Variants in TRPM1 observed in about 807,000 individuals in gnomAD.
The protein encoded by TRPM1 is transient receptor potential cation channel subfamily M member 1.
TRPM1 carries 113 observed loss-of-function variants against 149.4 expected under a neutral mutation model. The ratio of observed to expected loss-of-function variants is 0.76; its 90% CI spans 0.65 to 0.88. The LOEUF is 0.88. TRPM1 is among the 40% of genes least tolerant of loss of function. The pLI is 0.00. For missense variants in TRPM1, 1,976 were observed against 2,038.7 expected (o/e 0.97, Z 0.59); for synonymous variants, 741 against 759.5 (o/e 0.98, Z 0.40).
intron 1 of TRPM1, among the ~76,000 whole-genome samples, chr15:31,084,460 A>G (rs2034942869): frequency 6.6e-6 from 1 of 152,172 alleles, no homozygotes; most frequent in Admixed American, 6.5e-5. Context: ...GAATCATTCA[A>G]CGTGTGGCCT....
At chr15:31,046,955 C>T (rs930072077) in intron 15 of TRPM1, among the ~76,000 whole-genome samples, 156 bp downstream of exon 15, 3 of 152,186 alleles carry the variant, frequency 2.0e-5, no homozygotes, top group Non-Finnish European at 2.9e-5. Context: ...TGGAGAATGC[C>T]GTGGCTCTGG....
chr15:31,113,705 C>T (rs2035750386), intron 1 of TRPM1, among the ~76,000 whole-genome samples: 1 of 152,190 alleles, frequency 6.6e-6, no homozygotes, highest in Non-Finnish European at 1.5e-5. Context: ...ATAGTTAGTT[C>T]ATTCCGGTGG....
chr15:31,038,149 A>G lies in TRPM1; in HGVS notation c.2334T>C (p.Leu778=), dbSNP rs2033486118. The G allele has an allele frequency of 1.2e-6, 2 of 1,614,026 alleles. No individual in the cohort carries two copies. The highest frequency in any genetic ancestry group is 1.7e-6 in the Non-Finnish European group (2 of 1,180,002). ...NPGLKVIMGI[L]LPPTILFLEF... is the part of the protein sequence containing the mutation. ...CCAAAAACAAGATGGTGGGGGGTAG[A>G]AGAATCCCCATGATAACCTACGGAA... Residue 778 remains leucine (L), a synonymous_variant, in exon 19 of 28, where the codon CTT becomes CTC. Transcript: ENST00000256552.
At chr15:31,053,047 T>C (rs1352225266) in intron 11 of TRPM1, among the ~76,000 whole-genome samples, 2 of 152,174 alleles carry the variant, frequency 1.3e-5, no homozygotes, top group Non-Finnish European at 2.9e-5. Flanking sequence ...CCAGAATATA[T>C]AGAGAACTCC....
At chr15:31,113,439 T>C (rs917065022) in intron 1 of TRPM1, among the ~76,000 whole-genome samples, 1 of 151,914 alleles carries the variant, frequency 6.6e-6, no homozygotes, top group Non-Finnish European at 1.5e-5. Context: ...ACAGTTTTTT[T>C]TTTTTCAAAA....
Position 31,037,862 on chromosome 15 carries a change from A to T in TRPM1, c.2440-20T>A. 1 of 1,614,120 alleles carries T rather than the reference A, an allele frequency of 6.2e-7. No homozygotes were observed. ...TGCATCCTGGAAAACAGAGCACAGC[A>T]CATGACAGGCAGGTGGCTAAATGGG... On this transcript the variant is annotated intron_variant, in intron 19 of 27. Transcript: ENST00000256552.
chr15:31,106,141 CTTT>C (rs60137498), upstream of TRPM1, among the ~76,000 whole-genome samples: 73 of 139,870 alleles, frequency 5.2e-4, no homozygotes, highest in African/African-American at 1.5e-3. Context: ...TTTTTCTTTT[CTTT>C]TTTTTTTTTT....
At chr15:31,031,198 T>C in intron 22 of TRPM1, 41 bp from the exon 23 acceptor site, 1 of 1,610,696 alleles carries the variant, frequency 6.2e-7, no homozygotes, top group Non-Finnish European at 8.5e-7. Flanking sequence ...TCTTGGCTTG[T>C]GGGCCAAGTT....
chr15:31,131,277 G>A (rs374757017), intron 1 of TRPM1, among the ~76,000 whole-genome samples: 4 of 152,046 alleles, frequency 2.6e-5, no homozygotes, highest in East Asian at 3.9e-4. Context: ...GCCCCAACGC[G>A]CAAAAGTAGT....
At chr15:31,110,915 C>T (rs1406357367) in intron 1 of TRPM1, among the ~76,000 whole-genome samples, 1 of 150,384 alleles carries the variant, frequency 6.6e-6, no homozygotes, top group Non-Finnish European at 1.5e-5. Context: ...CCCCCCTTCC[C>T]TCCCTCCCTT....
chr15:31,089,839 C>T (rs551323596), intron 1 of TRPM1, among the ~76,000 whole-genome samples: 1 of 152,166 alleles, frequency 6.6e-6, no homozygotes, highest in South Asian at 2.1e-4. Flanking sequence ...CTTCTGCCTG[C>T]CCTTGTGAGT....
chr15:31,018,905 C>T (rs1322405257), intron 27 of TRPM1, among the ~76,000 whole-genome samples: 1 of 152,216 alleles, frequency 6.6e-6, no homozygotes, highest in Non-Finnish European at 1.5e-5. Flanking sequence ...ATCAGCCCAC[C>T]TTGGCCTCCC....
At chr15:31,109,208 C>A (rs2035648762) in intron 1 of TRPM1, among the ~76,000 whole-genome samples, 1 of 151,794 alleles carries the variant, frequency 6.6e-6, no homozygotes, top group African/African-American at 2.4e-5. Context: ...GTGGCTCACG[C>A]CTGTAATCCC....
intron 1 of TRPM1, among the ~76,000 whole-genome samples, chr15:31,148,693 C>G (rs1035675897): frequency 7.2e-5 from 11 of 152,204 alleles, no homozygotes; most frequent in African/African-American, 2.7e-4. Flanking sequence ...TAAGAACTCT[C>G]CTGGCCTTGG....
At chr15:31,049,725 T>A (rs1220440655) in intron 12 of TRPM1, among the ~76,000 whole-genome samples, 1 of 152,230 alleles carries the variant, frequency 6.6e-6, no homozygotes, top group Non-Finnish European at 1.5e-5. Context: ...GTCTGTAAAT[T>A]ATTGTTTCCT....
At chr15:31,110,739 G>C (rs2035672868) in intron 1 of TRPM1, among the ~76,000 whole-genome samples, 1 of 152,178 alleles carries the variant, frequency 6.6e-6, no homozygotes, top group Non-Finnish European at 1.5e-5. Context: ...ACAGGCCTGT[G>C]AGGACCGGCC....
intron 10 of TRPM1, 83 bp downstream of exon 10, chr15:31,061,359 T>C: frequency 1.5e-6 from 2 of 1,367,018 alleles, no homozygotes; most frequent in South Asian, 1.2e-5. Flanking sequence ...CCAGCAGACA[T>C]AGTCCATGGG....
chr15:31,081,804 C>T (rs892537809), intron 1 of TRPM1, among the ~76,000 whole-genome samples: 6 of 152,170 alleles, frequency 3.9e-5, no homozygotes, highest in African/African-American at 1.4e-4. Flanking sequence ...TCAGCCCTTG[C>T]TAATGCCACC....
chr15:31,077,020 C>T lies in TRPM1; in HGVS notation c.4-36G>A, dbSNP rs4779817. 1,140,969 of 1,387,410 alleles carry T rather than the reference C, an allele frequency of 0.82. 471,198 individuals are homozygous for T. Among genetic ancestry groups the T allele is most frequent in the East Asian group, 0.97 (42,394 of 43,752 alleles). 85.9% of individuals were successfully genotyped at this position (1,387,410 alleles called of 1,614,324 possible). On this transcript the variant is annotated intron_variant, in intron 2 of 27. Coordinates refer to ENST00000256552, the MANE Select transcript of TRPM1 (RefSeq NM_001252024.2). ...GAGAGAAGTGGATATTGGACCAATA[C>T]ATTCCCAAGCCATCATCAGAGTCCA...
Sources: allele counts gnomAD v4.1 joint callset (sites outside exome capture counted in the v4.1 genomes callset), GRCh38; gene constraint gnomAD v4.1.1; transcripts MANE v1.5; gene names NCBI Gene and HGNC (gene_info 2026-07-23, HGNC 2026-07-21).